Variants in CHCHD6 observed in about 807,000 individuals in gnomAD.
CHCHD6 encodes MICOS complex subunit MIC25.
CHCHD6 carries 28 observed loss-of-function variants against 32.3 expected under a neutral mutation model. The ratio of observed to expected loss-of-function variants is 0.87; its 90% confidence interval spans 0.64 to 1.19. The LOEUF is 1.19. Ranked by LOEUF, CHCHD6 falls within the 50% of genes most tolerant of loss-of-function variation. CHCHD6 has a pLI of 0.00. For synonymous variants in CHCHD6, 122 were observed against 117.5 expected (o/e 1.04, Z -0.25); for missense variants, 333 against 307.0 (o/e 1.08, Z -0.63).
chr3:126,957,945 T>C (rs4679312), intron 7 of CHCHD6: 208,146 of 338,932 alleles, frequency 0.61, 67,074 homozygotes, highest in Non-Finnish European at 0.69. Context: ...CCAGCAAGGA[T>C]AGGCCATCTG....
intron 4 of CHCHD6, among the ~76,000 whole-genome samples, chr3:126,779,699 A>G (rs1156975265): frequency 1.3e-5 from 2 of 152,188 alleles, no homozygotes; most frequent in Non-Finnish European, 2.9e-5. Flanking sequence ...TATTTGTTGA[A>G]AAGACTAGTC....
intron 4 of CHCHD6, among the ~76,000 whole-genome samples, chr3:126,812,268 C>T (rs1223595713): frequency 1.3e-5 from 2 of 149,726 alleles, no homozygotes; most frequent in African/African-American, 4.9e-5. Context: ...TGGTTTTCCT[C>T]CCTCCCCTTC....
chr3:126,953,907 G>T (rs547844148), intron 6 of CHCHD6, among the ~76,000 whole-genome samples: 80 of 152,288 alleles, frequency 5.3e-4, no homozygotes, highest in African/African-American at 1.9e-3. Context: ...CATGGGAGCT[G>T]TTTTGTATGC....
intron 4 of CHCHD6, among the ~76,000 whole-genome samples, chr3:126,839,748 T>C (rs938815323): frequency 1.8e-4 from 27 of 152,320 alleles, no homozygotes; most frequent in African/African-American, 6.5e-4. Context: ...TTGATAACTG[T>C]ATTTCAATAT....
chr3:126,944,636 G>A (rs1450050539), intron 6 of CHCHD6, among the ~76,000 whole-genome samples: 1 of 152,214 alleles, frequency 6.6e-6, no homozygotes, highest in Non-Finnish European at 1.5e-5. Flanking sequence ...CAGTGAGAGG[G>A]GACAGAGAGG....
chr3:126,704,280 G>A lies in CHCHD6; in HGVS notation c.-33G>A, dbSNP rs765810624. The A allele has an allele frequency of 3.8e-6, 6 of 1,575,272 alleles. No individual in the cohort carries two copies. The highest frequency in any genetic ancestry group is 4.6e-4 in the Middle Eastern group (2 of 4,382). On this transcript the variant is annotated 5_prime_UTR_variant, in exon 1 of 8. Coordinates refer to ENST00000290913, the MANE Select transcript of CHCHD6 (RefSeq NM_032343.3). ...CGGTTGCTCTGGAGCCGGGTCTCGGGTCTGGTGGCTGCCGGCCCTGCGGCA... is the reference window on the plus strand; with the variant it reads ...CGGTTGCTCTGGAGCCGGGTCTCGGATCTGGTGGCTGCCGGCCCTGCGGCA...
chr3:126,919,114 T>A (rs537903702), intron 6 of CHCHD6, among the ~76,000 whole-genome samples: 2 of 152,266 alleles, frequency 1.3e-5, no homozygotes. Context: ...TATGGTCCAG[T>A]ATATGATGTG....
At chr3:126,793,190 G>A (rs1938632490) in intron 4 of CHCHD6, among the ~76,000 whole-genome samples, 1 of 151,746 alleles carries the variant, frequency 6.6e-6, no homozygotes, top group Non-Finnish European at 1.5e-5. Context: ...CTTTTAATTG[G>A]TATGTTTATA....
intron 4 of CHCHD6, among the ~76,000 whole-genome samples, chr3:126,784,548 G>A (rs1938108208): frequency 6.6e-6 from 1 of 152,094 alleles, no homozygotes; most frequent in Admixed American, 6.6e-5. Flanking sequence ...ACTACCTGGT[G>A]TACTCCACAC....
chr3:126,919,555 C>A (rs2078216864), intron 6 of CHCHD6, among the ~76,000 whole-genome samples: 1 of 151,350 alleles, frequency 6.6e-6, no homozygotes, highest in Non-Finnish European at 1.5e-5. Context: ...CTTATGCAAT[C>A]CTCCTGCCTC....
At chr3:126,757,445 C>T (rs965681372) in intron 4 of CHCHD6, among the ~76,000 whole-genome samples, 4 of 152,058 alleles carry the variant, frequency 2.6e-5, no homozygotes, top group Non-Finnish European at 5.9e-5. Flanking sequence ...AAATATTGCT[C>T]TGGAAAGACA....
intron 4 of CHCHD6, among the ~76,000 whole-genome samples, chr3:126,760,072 C>T (rs1198689798): frequency 6.6e-6 from 1 of 152,160 alleles, no homozygotes; most frequent in Non-Finnish European, 1.5e-5. Context: ...AGGACAGCAC[C>T]AAGCCATGAA....
At chr3:126,788,831 C>T (rs1938370346) in intron 4 of CHCHD6, among the ~76,000 whole-genome samples, 1 of 152,238 alleles carries the variant, frequency 6.6e-6, no homozygotes, top group South Asian at 2.1e-4. Flanking sequence ...TTCAGTTCTG[C>T]TCTGATCTTA....
chr3:126,826,324 C>G (rs1940389741), intron 4 of CHCHD6, among the ~76,000 whole-genome samples: 2 of 152,102 alleles, frequency 1.3e-5, no homozygotes, highest in Non-Finnish European at 2.9e-5. Flanking sequence ...TATGATGATG[C>G]CTTTTACCTA....
intron 4 of CHCHD6, among the ~76,000 whole-genome samples, chr3:126,814,285 A>T (rs1189266624): frequency 6.6e-6 from 1 of 152,220 alleles, no homozygotes; most frequent in Non-Finnish European, 1.5e-5. Flanking sequence ...GCTGAAGCAC[A>T]GACAGGACAG....
intron 4 of CHCHD6, among the ~76,000 whole-genome samples, chr3:126,811,163 G>T (rs944111793): frequency 1.3e-5 from 2 of 152,146 alleles, no homozygotes; most frequent in Non-Finnish European, 2.9e-5. Flanking sequence ...TATTTTTTAT[G>T]AGACTGGTTG....
chr3:126,764,214 T>TATACAC (rs1482919406), intron 4 of CHCHD6, among the ~76,000 whole-genome samples: 4 of 147,662 alleles, frequency 2.7e-5, no homozygotes, highest in African/African-American at 9.8e-5. Flanking sequence ...TATATATATA[T>TATACAC]ATATATATAT....
chr3:126,711,237 G>C (rs1388254165), intron 1 of CHCHD6, among the ~76,000 whole-genome samples: 2 of 152,128 alleles, frequency 1.3e-5, no homozygotes, highest in African/African-American at 4.8e-5. Flanking sequence ...TTAATGAATT[G>C]GCAGTCCTTC....
At chr3:126,863,254 T>C (rs1942028452) in intron 5 of CHCHD6, among the ~76,000 whole-genome samples, 1 of 127,016 alleles carries the variant, frequency 7.9e-6, no homozygotes, top group Admixed American at 7.9e-5. Context: ...CACCACCTCC[T>C]CCTCCACCAT....
Sources: allele counts gnomAD v4.1 joint callset (sites outside exome capture counted in the v4.1 genomes callset), GRCh38; gene constraint gnomAD v4.1.1; transcripts MANE v1.5; gene names NCBI Gene and HGNC (gene_info 2026-07-23, HGNC 2026-07-21).